Variants in CCBE1 observed in about 807,000 individuals in gnomAD.
CCBE1 encodes the protein collagen and calcium binding EGF domains 1.
A neutral mutation model predicts 50.0 loss-of-function variants in CCBE1; 37 were observed. The ratio of observed to expected loss-of-function variants is 0.74; its 90% CI spans 0.57 to 0.97. The LOEUF (loss-of-function observed/expected upper bound fraction) is 0.97. Among genes scored for constraint, CCBE1 ranks in the 50% least tolerant of loss-of-function variants. CCBE1 has a pLI of 0.00. For synonymous variants in CCBE1, 234 were observed against 203.7 expected, an observed-to-expected ratio of 1.15 and a Z score of -1.27; for missense variants, 538 against 523.8, an observed-to-expected ratio of 1.03 and a Z score of -0.26.
At chr18:59,580,675 T>C (rs978307596) in intron 2 of CCBE1, among the ~76,000 whole-genome samples, 5 of 152,230 alleles carry the variant, frequency 3.3e-5, no homozygotes, top group Non-Finnish European at 7.3e-5. Flanking sequence ...AGCTGGTGTC[T>C]GGACGAGGGT....
chr18:59,606,533 CCCGT>C (rs2053501127), intron 2 of CCBE1, among the ~76,000 whole-genome samples: 1 of 152,154 alleles, frequency 6.6e-6, no homozygotes, highest in South Asian at 2.1e-4. Context: ...AAGATAACAT[CCCGT>C]CCGTATGTGA....
At chr18:59,589,242 G>A (rs544288643) in intron 2 of CCBE1, among the ~76,000 whole-genome samples, 3 of 152,212 alleles carry the variant, frequency 2.0e-5, no homozygotes, top group East Asian at 3.9e-4. Context: ...ATCTAGGAGA[G>A]GATAGTTCAT....
intron 7 of CCBE1, among the ~76,000 whole-genome samples, chr18:59,442,247 G>T (rs540376014): frequency 2.9e-3 from 444 of 152,304 alleles, no homozygotes; most frequent in Non-Finnish European, 4.8e-3. Flanking sequence ...GCTTCTGAAA[G>T]TTAAACTCGG....
intron 2 of CCBE1, among the ~76,000 whole-genome samples, chr18:59,570,967 C>T (rs982240275): frequency 3.9e-5 from 6 of 152,174 alleles, no homozygotes; most frequent in African/African-American, 1.4e-4. Context: ...AGCCATATTG[C>T]TTCAATTTCA....
At chr18:59,655,495 G>A (rs1172130911) in intron 2 of CCBE1, among the ~76,000 whole-genome samples, 4 of 152,170 alleles carry the variant, frequency 2.6e-5, no homozygotes, top group Non-Finnish European at 4.4e-5. Context: ...CTCTCCACAG[G>A]TTTTTCAGTA....
chr18:59,499,837 AG>A (rs1378329128), intron 2 of CCBE1, among the ~76,000 whole-genome samples: 9 of 152,282 alleles, frequency 5.9e-5, no homozygotes, highest in African/African-American at 2.2e-4. Context: ...CAGGGCCTAA[AG>A]CCTGTTTGTG....
intron 2 of CCBE1, among the ~76,000 whole-genome samples, chr18:59,559,944 C>T (rs747413082): frequency 1.1e-4 from 17 of 152,270 alleles, no homozygotes; most frequent in South Asian, 2.1e-4. Flanking sequence ...GAGCCAGGAA[C>T]GGTTTGCCTT....
At chr18:59,640,213 A>G (rs2053968472) in intron 2 of CCBE1, among the ~76,000 whole-genome samples, 1 of 152,240 alleles carries the variant, frequency 6.6e-6, no homozygotes, top group African/African-American at 2.4e-5. Context: ...AGATGGAGGC[A>G]TCACATTACC....
chr18:59,679,454 A>G (rs2054555855), intron 2 of CCBE1, among the ~76,000 whole-genome samples: 1 of 152,242 alleles, frequency 6.6e-6, no homozygotes, highest in South Asian at 2.1e-4. Context: ...ATGTAGTGGT[A>G]AGAGACATGT....
intron 2 of CCBE1, among the ~76,000 whole-genome samples, chr18:59,638,161 T>A (rs2053939592): frequency 6.6e-6 from 1 of 152,194 alleles, no homozygotes; most frequent in African/African-American, 2.4e-5. Flanking sequence ...TTGTTTAAAA[T>A]CATGTTATCT....
At chr18:59,518,990 C>T (rs1914488240) in intron 2 of CCBE1, among the ~76,000 whole-genome samples, 1 of 152,190 alleles carries the variant, frequency 6.6e-6, no homozygotes, top group African/African-American at 2.4e-5. Context: ...TTGCTTCTGA[C>T]CACTCTACTG....
chr18:59,455,982 G>GC (rs1911176375), intron 5 of CCBE1, among the ~76,000 whole-genome samples: 1 of 152,144 alleles, frequency 6.6e-6, no homozygotes, highest in African/African-American at 2.4e-5. Flanking sequence ...GTTCTTCCTG[G>GC]CCCGTATACT....
chr18:59,667,726 C>T (rs576736702), intron 2 of CCBE1, among the ~76,000 whole-genome samples: 1 of 152,324 alleles, frequency 6.6e-6, no homozygotes, highest in Non-Finnish European at 1.5e-5. Flanking sequence ...GCACTCAGTT[C>T]ATTCCACAGA....
intron 2 of CCBE1, among the ~76,000 whole-genome samples, chr18:59,489,432 G>T (rs1912985659): frequency 6.9e-6 from 1 of 144,280 alleles, no homozygotes; most frequent in Non-Finnish European, 1.5e-5. Context: ...TATTTTTTTT[G>T]AGATGGACTC....
chr18:59,545,547 A>G (rs1915647931), intron 2 of CCBE1, among the ~76,000 whole-genome samples: 1 of 152,192 alleles, frequency 6.6e-6, no homozygotes, highest in Non-Finnish European at 1.5e-5. Flanking sequence ...TTTATCATTT[A>G]CCCATTCCCT....
At chr18:59,495,221 G>GAA (rs199611353) in intron 2 of CCBE1, among the ~76,000 whole-genome samples, 1 of 149,232 alleles carries the variant, frequency 6.7e-6, no homozygotes, top group South Asian at 2.1e-4. Context: ...CTTTTTCTCT[G>GAA]AAAAAAAAAT....
chr18:59,665,702 G>C (rs142673141), intron 2 of CCBE1, among the ~76,000 whole-genome samples: 224 of 152,184 alleles, frequency 1.5e-3, no homozygotes, highest in African/African-American at 5.2e-3. Context: ...CACTGTTTAC[G>C]GCTCCGAGGT....
chr18:59,514,623 T>G (rs995631708), intron 2 of CCBE1, among the ~76,000 whole-genome samples: 4 of 149,006 alleles, frequency 2.7e-5, no homozygotes, highest in African/African-American at 9.9e-5. Flanking sequence ...CTCCTGTTTT[T>G]TTTTTTTTCT....
intron 2 of CCBE1, among the ~76,000 whole-genome samples, chr18:59,542,306 T>C (rs1915502323): frequency 1.9e-5 from 1 of 53,114 alleles, no homozygotes; most frequent in Non-Finnish European, 4.1e-5. Context: ...TTAAGGGGTA[T>C]CCAGACAGTA....
Sources: gnomAD v4.1 joint callset for allele counts (sites outside exome capture counted in the v4.1 genomes callset) on GRCh38, gnomAD v4.1.1 for gene constraint, MANE v1.5 for transcripts, NCBI Gene and HGNC (gene_info 2026-07-23, HGNC 2026-07-21) for gene names.